FARP1: variants seen among roughly 807,000 people sequenced by gnomAD.
FARP1 encodes FERM, ARH/RhoGEF and pleckstrin domain protein 1.
FARP1 carries 52 observed loss-of-function variants against 128.8 expected under a neutral mutation model. The observed-to-expected ratio is 0.40, with a 90% CI of 0.32 to 0.51. The LOEUF is 0.51. Among genes scored for constraint, FARP1 ranks in the 20% least tolerant of loss-of-function variants. FARP1 has a pLI of 0.45. For missense variants in FARP1, 1,333 were observed against 1,367.9 expected, an observed-to-expected ratio of 0.97 and a Z score of 0.40; for synonymous variants, 580 against 551.8, an observed-to-expected ratio of 1.05 and a Z score of -0.72.
intron 1 of FARP1, among the ~76,000 whole-genome samples, chr13:98,144,336 G>C (rs890138947): frequency 6.6e-6 from 1 of 152,156 alleles, no homozygotes; most frequent in African/African-American, 2.4e-5. Context: ...CCAGAAAGGA[G>C]GGAGCTGAGG....
At chr13:98,145,181 A>G (rs1458114999) in intron 1 of FARP1, among the ~76,000 whole-genome samples, 1 of 152,034 alleles carries the variant, frequency 6.6e-6, no homozygotes, top group Non-Finnish European at 1.5e-5. Flanking sequence ...AGAATCTCTT[A>G]CTTGTTTCTT....
At chr13:98,174,642 G>C (rs1254877820) in intron 1 of FARP1, among the ~76,000 whole-genome samples, 5 of 152,186 alleles carry the variant, frequency 3.3e-5, no homozygotes, top group African/African-American at 9.6e-5. Flanking sequence ...TATGTGAAAT[G>C]CCAGAATAAA....
At chr13:98,305,861 C>CTTTTTTTTTTT (rs34016297) in intron 2 of FARP1, among the ~76,000 whole-genome samples, 1 of 149,698 alleles carries the variant, frequency 6.7e-6, no homozygotes, top group African/African-American at 2.5e-5. Flanking sequence ...ATTACTTTCC[C>CTTTTTTTTTTT]TTTTTTTTTT....
chr13:98,290,643 G>A (rs2139663226), intron 2 of FARP1, among the ~76,000 whole-genome samples: 1 of 152,250 alleles, frequency 6.6e-6, no homozygotes, highest in East Asian at 1.9e-4. Context: ...GGACCACATT[G>A]GCTGCTGAGT....
At chr13:98,426,605 A>C (rs536376353) in intron 17 of FARP1, among the ~76,000 whole-genome samples, 7 of 152,350 alleles carry the variant, frequency 4.6e-5, no homozygotes, top group African/African-American at 1.4e-4. Context: ...ATTTCCTGTC[A>C]ATCTCTCTTA....
intron 2 of FARP1, among the ~76,000 whole-genome samples, chr13:98,341,553 A>G (rs1411706136): frequency 2.0e-5 from 3 of 152,158 alleles, no homozygotes; most frequent in Non-Finnish European, 4.4e-5. Context: ...AATCACTTAA[A>G]CCCAGAAGGC....
Position 98,410,733 on chromosome 13 carries a change from G to T in FARP1, c.1603-1G>T. On this transcript the variant is annotated splice_acceptor_variant, in intron 14 of 26. Coordinates refer to ENST00000319562, the MANE Select transcript of FARP1 (RefSeq NM_005766.4). LOFTEE classifies it high-confidence loss of function. ...TTTGTTTCTTTTGCTGGGTTTTGCAGAGATTCCCAACTGATAAAGCGTACT... is the reference window on the plus strand; with the variant it reads ...TTTGTTTCTTTTGCTGGGTTTTGCATAGATTCCCAACTGATAAAGCGTACT... The T allele has an allele frequency of 6.4e-7, 1 of 1,573,880 alleles. No homozygotes were observed. The highest frequency in any genetic ancestry group is 8.7e-7 in the Non-Finnish European group (1 of 1,147,332).
chr13:98,308,936 C>T (rs1401498933), intron 2 of FARP1, among the ~76,000 whole-genome samples: 1 of 152,042 alleles, frequency 6.6e-6, no homozygotes, highest in African/African-American at 2.4e-5. Flanking sequence ...CCTCAGCCCC[C>T]CACCAAAGTG....
intron 11 of FARP1, among the ~76,000 whole-genome samples, chr13:98,392,323 C>CA (rs11289484): frequency 0.017 from 1,027 of 60,444 alleles, 29 homozygotes; most frequent in African/African-American, 0.046. Context: ...CATCTCTACC[C>CA]AAAAAAAAAA....
chr13:98,231,664 C>G (rs1435889545), intron 2 of FARP1, among the ~76,000 whole-genome samples: 1 of 151,384 alleles, frequency 6.6e-6, no homozygotes, highest in African/African-American at 2.4e-5. Context: ...GTCTCAAACT[C>G]CTGACTTAAG....
intron 2 of FARP1, among the ~76,000 whole-genome samples, chr13:98,341,439 G>A (rs1367057335): frequency 6.6e-6 from 1 of 151,998 alleles, no homozygotes; most frequent in Non-Finnish European, 1.5e-5. Context: ...CGAGACCAGC[G>A]TGGTCAACAT....
intron 2 of FARP1, among the ~76,000 whole-genome samples, chr13:98,259,433 A>C (rs1227959271): frequency 6.6e-6 from 1 of 151,890 alleles, no homozygotes; most frequent in Non-Finnish European, 1.5e-5. Flanking sequence ...GGCTCCCAGC[A>C]TGTCACTTGG....
chr13:98,322,788 G>T (rs1012956004), intron 2 of FARP1, among the ~76,000 whole-genome samples: 1 of 152,142 alleles, frequency 6.6e-6, no homozygotes, highest in African/African-American at 2.4e-5. Context: ...TTGCACAAAG[G>T]CAGCCGAAAC....
chr13:98,372,125 C>T (rs1466306413), intron 5 of FARP1, among the ~76,000 whole-genome samples: 12 of 130,054 alleles, frequency 9.2e-5, no homozygotes, highest in South Asian at 2.4e-4. Context: ...CTCGCTCTGT[C>T]GCCCAGGCTG....
chr13:98,209,144 G>T (rs556551589), intron 1 of FARP1, among the ~76,000 whole-genome samples: 1 of 152,170 alleles, frequency 6.6e-6, no homozygotes, highest in East Asian at 1.9e-4. Flanking sequence ...GAGTAGCTGG[G>T]ACTATAGGCG....
At chr13:98,336,986 A>G (rs1397582320) in intron 2 of FARP1, among the ~76,000 whole-genome samples, 1 of 152,178 alleles carries the variant, frequency 6.6e-6, no homozygotes, top group African/African-American at 2.4e-5. Flanking sequence ...ATTGAGACTG[A>G]TAGTGAACGG....
intron 2 of FARP1, among the ~76,000 whole-genome samples, chr13:98,311,570 C>CGT (rs546783985): frequency 2.4e-5 from 3 of 126,204 alleles, no homozygotes; most frequent in Non-Finnish European, 5.3e-5. Context: ...TGTGCATGTG[C>CGT]GTGTGTGTGT....
intron 26 of FARP1, chr13:98,447,917 T>C (rs1034933971): frequency 2.6e-6 from 1 of 387,506 alleles, no homozygotes; most frequent in Non-Finnish European, 4.7e-6. Flanking sequence ...CGCCATTCTC[T>C]GCCATGTCCA....
chr13:98,304,591 C>G (rs112526876), intron 2 of FARP1, among the ~76,000 whole-genome samples: 63 of 152,278 alleles, frequency 4.1e-4, no homozygotes, highest in African/African-American at 1.4e-3. Flanking sequence ...GCTACCCATT[C>G]GATGGGCACA....
Sources: allele counts gnomAD v4.1 joint callset (sites outside exome capture counted in the v4.1 genomes callset), GRCh38; gene constraint gnomAD v4.1.1; transcripts MANE v1.5; gene names NCBI Gene and HGNC (gene_info 2026-07-23, HGNC 2026-07-21).